MTSS1: variants seen among roughly 807,000 people sequenced by gnomAD.
MTSS1 encodes the protein protein MTSS 1.
MTSS1 carries 18 observed loss-of-function variants against 79.0 expected under a neutral mutation model. The ratio of observed to expected loss-of-function variants is 0.23; its 90% CI spans 0.16 to 0.34. The LOEUF (loss-of-function observed/expected upper bound fraction) is 0.34, where lower values mean the gene tolerates loss of function less well. Ranked by LOEUF, MTSS1 falls within the 10% of genes least tolerant of loss-of-function variation. MTSS1 has a pLI of 1.00. For synonymous variants in MTSS1, 341 were observed against 368.6 expected (o/e 0.93, Z 0.86); for missense variants, 815 against 986.2 (o/e 0.83, Z 2.33).
intron 3 of MTSS1, chr8:124,699,083 A>G (rs1164994336): frequency 1.1e-5 from 2 of 175,956 alleles, no homozygotes; most frequent in Non-Finnish European, 2.4e-5. Flanking sequence ...GATACAACCC[A>G]ATGAGATCCT....
chr8:124,565,837 A>G (rs970115302), intron 8 of MTSS1, 78 bp from the exon 9 acceptor site: 48 of 1,257,304 alleles, frequency 3.8e-5, no homozygotes, highest in Middle Eastern at 2.5e-4. Flanking sequence ...CATCCACCAA[A>G]GCATCAAAAC....
chr8:124,619,932 TTTTTC>T (rs138460701), intron 3 of MTSS1, among the ~76,000 whole-genome samples: 2,257 of 149,654 alleles, frequency 0.015, 33 homozygotes, highest in African/African-American at 0.04. Context: ...AGCACAACTG[TTTTTC>T]TTTTCTTTTC....
chr8:124,671,456 G>A (rs578092018), intron 3 of MTSS1, among the ~76,000 whole-genome samples: 16 of 152,192 alleles, frequency 1.1e-4, no homozygotes, highest in South Asian at 2.1e-4. Context: ...ACTTTCTCAC[G>A]AAGCCCCCTT....
intron 3 of MTSS1, among the ~76,000 whole-genome samples, chr8:124,661,160 C>T (rs1821953370): frequency 6.6e-6 from 1 of 152,132 alleles, no homozygotes; most frequent in Admixed American, 6.5e-5. Flanking sequence ...GTTTCAGTAA[C>T]AACAGCTCAC....
At chr8:124,627,664 C>G (rs761782135) in intron 3 of MTSS1, among the ~76,000 whole-genome samples, 12 of 151,848 alleles carry the variant, frequency 7.9e-5, no homozygotes, top group Admixed American at 1.3e-4. Flanking sequence ...GGGAGATGGC[C>G]AGGGGTGGCG....
intron 3 of MTSS1, among the ~76,000 whole-genome samples, chr8:124,635,060 T>C (rs1355048944): frequency 6.6e-6 from 1 of 152,368 alleles, no homozygotes; most frequent in African/African-American, 2.4e-5. Context: ...CCCCAGGTTA[T>C]TGTAAGAGTT....
chr8:124,567,745 A>G, intron 7 of MTSS1: 5 of 1,526,946 alleles, frequency 3.3e-6, no homozygotes, highest in Non-Finnish European at 4.4e-6. Flanking sequence ...GGGCCGGGCT[A>G]GAACGATCCA....
intron 4 of MTSS1, among the ~76,000 whole-genome samples, chr8:124,590,924 G>A (rs1196415658): frequency 3.9e-5 from 6 of 152,242 alleles, no homozygotes; most frequent in African/African-American, 1.4e-4. Context: ...ACCCATGCAG[G>A]AGCACAGGCT....
In MTSS1 at chr8:124,553,500, G is replaced by T. The variant is rs1488429597; in HGVS notation, c.1760C>A (p.Ala587Glu). The T allele has an allele frequency of 6.2e-7, 1 of 1,613,474 alleles. No homozygotes were observed. The highest frequency in any genetic ancestry group is 8.5e-7 in the Non-Finnish European group (1 of 1,179,632). ...LGPAMVTPGV[A>E]TIRRTPSTKP... Reference sequence around the variant, plus strand: ...GGTGGAAGGGGTCCGTCGGATAGTTGCAACCCCTGGAGTGACCATAGCAGG... The same window carrying T: ...GGTGGAAGGGGTCCGTCGGATAGTTTCAACCCCTGGAGTGACCATAGCAGG... The change falls in exon 14 of 14, where the codon GCA (alanine) becomes GAA (glutamate). Residue 587 changes from alanine (A) to glutamate (E), a missense_variant. Transcript: ENST00000518547. The surrounding 1 kb of genome is among the most constrained non-coding windows in gnomAD (Gnocchi z 6.0).
intron 6 of MTSS1, among the ~76,000 whole-genome samples, 159 bp downstream of exon 6, chr8:124,584,928 C>T (rs961237553): frequency 6.6e-6 from 1 of 152,180 alleles, no homozygotes; most frequent in Admixed American, 6.5e-5. Context: ...ACCTATTCTG[C>T]ACTTTGAGAA....
chr8:124,692,007 G>A (rs1429947232), intron 3 of MTSS1, among the ~76,000 whole-genome samples: 3 of 151,196 alleles, frequency 2.0e-5, no homozygotes, highest in Admixed American at 1.3e-4. Flanking sequence ...TATTTCAGGT[G>A]ATAGATATCC....
At chr8:124,667,157 A>G (rs1823251800) in intron 3 of MTSS1, among the ~76,000 whole-genome samples, 1 of 152,020 alleles carries the variant, frequency 6.6e-6, no homozygotes, top group South Asian at 2.1e-4. Context: ...GTTTGAGGAG[A>G]AGGCATGACC....
chr8:124,640,831 C>T (rs1006829090), intron 3 of MTSS1, among the ~76,000 whole-genome samples: 1 of 152,096 alleles, frequency 6.6e-6, no homozygotes, highest in Non-Finnish European at 1.5e-5. Context: ...CGTGAGCCAC[C>T]GTGCCCGGCC....
rs561415118 is a variant in MTSS1, at chr8:124,680,128, T to C, written c.208+19398A>G. On this transcript the variant is annotated intron_variant, in intron 3 of 13. Transcript: ENST00000518547. ...CTAAGACTCCTATCAGTTTCAGTGT[T>C]CAATACATGAAGCATGAAAGGCAGA... Among the ~76,000 whole-genome samples, 15 of 152,306 alleles carry C rather than the reference T, an allele frequency of 9.8e-5. No individual in the cohort carries two copies. The South Asian group carries it at 1.0e-3, about 11-fold the overall frequency.
Position 124,602,215 on chromosome 8 carries a change from T to G in MTSS1, c.209-10980A>C, listed in dbSNP as rs141660820. Among the ~76,000 whole-genome samples the G allele has an allele frequency of 1.2e-3, 108 of 87,544 alleles. 1 individual carries two copies. Among genetic ancestry groups the G allele is most frequent in the Non-Finnish European group, 1.2e-3 (61 of 49,712 alleles). The allele number at this position is 87,544 out of a possible 152,430, so 57.4% of individuals were successfully genotyped here. On this transcript the variant is annotated intron_variant, in intron 3 of 13. Transcript: ENST00000518547. ...TATATATATATATATATAATTTTTT[T>G]TTGAGACACGGTCTCACTCTGTCAT...
chr8:124,567,963 C>A lies in MTSS1; in HGVS notation c.618+416G>T, dbSNP rs142301743. The A allele has an allele frequency of 4.4e-6, 6 of 1,361,558 alleles. No individual in the cohort carries two copies. The African/African-American group carries it at 7.3e-5, about 17-fold the overall frequency. The allele number at this position is 1,361,558 out of a possible 1,614,324, so 84.3% of individuals were successfully genotyped here. A position where few individuals can be genotyped will look rare whatever the true frequency, so the allele number is the denominator to read the frequency against. On this transcript the variant is annotated intron_variant, in intron 7 of 13. Coordinates refer to ENST00000518547, the MANE Select transcript of MTSS1 (RefSeq NM_014751.6). ...CATCTCATGGTCACCCCTTAGTACTCGGCTACAACAGTGAGTCTCAAAACC... is the reference window on the plus strand; with the variant it reads ...CATCTCATGGTCACCCCTTAGTACTAGGCTACAACAGTGAGTCTCAAAACC...
At chr8:124,573,038 C>A (rs978102645) in intron 6 of MTSS1, among the ~76,000 whole-genome samples, 2 of 152,230 alleles carry the variant, frequency 1.3e-5, no homozygotes, top group Non-Finnish European at 2.9e-5. Flanking sequence ...TGAGCCACCA[C>A]ACCCGGCTGT....
At chr8:124,689,917 G>A (rs962895708) in intron 3 of MTSS1, among the ~76,000 whole-genome samples, 1 of 152,110 alleles carries the variant, frequency 6.6e-6, no homozygotes, top group Non-Finnish European at 1.5e-5. Flanking sequence ...CAATCTATGG[G>A]AAGCAAAGGC....
At chr8:124,670,042 C>T (rs1000270833) in intron 3 of MTSS1, among the ~76,000 whole-genome samples, 2 of 152,146 alleles carry the variant, frequency 1.3e-5, no homozygotes, top group Non-Finnish European at 2.9e-5. Context: ...CCTCATGGAG[C>T]CTACATGCTA....
Sources: allele counts gnomAD v4.1 joint callset (sites outside exome capture counted in the v4.1 genomes callset), GRCh38; gene constraint gnomAD v4.1.1; non-coding constraint Gnocchi (gnomAD v3.1); transcripts MANE v1.5; gene names NCBI Gene and HGNC (gene_info 2026-07-23, HGNC 2026-07-21).